The following UPP2 variants were observed in gnomAD, a reference collection of about 807,000 sequenced individuals.
The protein encoded by UPP2 is UPase 2.
A neutral mutation model predicts 26.7 loss-of-function variants in UPP2; 23 were observed. The observed-to-expected ratio is 0.86, with a 90% CI of 0.62 to 1.22. UPP2 has a LOEUF of 1.22. UPP2 is among the 50% of genes most tolerant of loss of function. The pLI is 0.00. For missense variants in UPP2, 387 were observed against 396.7 expected, an observed-to-expected ratio of 0.98 and a Z score of 0.21; for synonymous variants, 127 against 141.3, an observed-to-expected ratio of 0.90 and a Z score of 0.72.
chr2:158,058,292 C>CAAAAAAAA (rs57994785), intron 3 of UPP2, among the ~76,000 whole-genome samples: 1 of 38,802 alleles, frequency 2.6e-5, no homozygotes. Context: ...GACTCCGTCT[C>CAAAAAAAA]AAAAAAAAAA....
chr2:158,114,251 G>T (rs1683376642), intron 2 of UPP2, among the ~76,000 whole-genome samples: 1 of 152,156 alleles, frequency 6.6e-6, no homozygotes, highest in Non-Finnish European at 1.5e-5. Context: ...TGTGGCCTGT[G>T]CTTCCTCCTG....
chr2:158,055,725 G>A (rs1208777558), intron 3 of UPP2, among the ~76,000 whole-genome samples: 4 of 152,176 alleles, frequency 2.6e-5, no homozygotes, highest in Admixed American at 6.5e-5. Context: ...AGCATTTCCA[G>A]CAATGTCCCA....
At position 158,123,887 on chromosome 2, in the gene UPP2, G is replaced by T; in HGVS notation, c.803G>T (p.Gly268Val). The change falls in exon 6 of 7, where the codon GGT (glycine) becomes GTT (valine). Residue 268 changes from glycine (G) to valine (V), a missense_variant. Coordinates refer to ENST00000005756, the MANE Select transcript of UPP2 (RefSeq NM_173355.4). ...TTTGCAGCTATGTGTGGACTCTGTGGTCTAAAAGGTAAGCTTTTCGTGAAT... is the reference window on the plus strand; with the variant it reads ...TTTGCAGCTATGTGTGGACTCTGTGTTCTAAAAGGTAAGCTTTTCGTGAAT... ...TVFAAMCGLCGLKAAVVCVTL... is the reference protein window; with the variant it reads ...TVFAAMCGLCVLKAAVVCVTL... The T allele has an allele frequency of 6.2e-7, 1 of 1,613,188 alleles. No individual in the cohort carries two copies. The highest frequency in any genetic ancestry group is 1.1e-5 in the South Asian group (1 of 90,960).
intron 2 of UPP2, among the ~76,000 whole-genome samples, chr2:157,997,693 T>C (rs1407710905): frequency 6.6e-6 from 1 of 152,170 alleles, no homozygotes; most frequent in African/African-American, 2.4e-5. Context: ...TAACAGAGTC[T>C]TCAGTGAACT....
intron 3 of UPP2, among the ~76,000 whole-genome samples, chr2:158,059,216 G>C (rs1224107206): frequency 6.6e-6 from 1 of 152,226 alleles, no homozygotes; most frequent in Non-Finnish European, 1.5e-5. Flanking sequence ...GTCCAAGCAT[G>C]ATGGGAAAAC....
intron 3 of UPP2, among the ~76,000 whole-genome samples, chr2:158,062,431 T>C (rs935408465): frequency 1.3e-5 from 2 of 152,284 alleles, no homozygotes; most frequent in South Asian, 2.1e-4. Context: ...CATTTCTCTA[T>C]TAGTGCTCCT....
intron 6 of UPP2, among the ~76,000 whole-genome samples, chr2:158,129,166 C>G (rs1024791624): frequency 6.6e-6 from 1 of 151,942 alleles, no homozygotes. Context: ...TTGATTCCAC[C>G]CTGTCTGTGG....
intron 2 of UPP2, among the ~76,000 whole-genome samples, chr2:158,110,636 G>A (rs1272916647): frequency 6.6e-6 from 1 of 152,158 alleles, no homozygotes; most frequent in African/African-American, 2.4e-5. Flanking sequence ...CACCAACAGT[G>A]TAAAAGTGTT....
chr2:158,112,118 C>A (rs916377675), intron 2 of UPP2, among the ~76,000 whole-genome samples: 1 of 152,038 alleles, frequency 6.6e-6, no homozygotes, highest in Non-Finnish European at 1.5e-5. Context: ...ATAAAATCCA[C>A]GTCAAAATGC....
At chr2:158,034,077 T>C (rs999418539) in intron 3 of UPP2, among the ~76,000 whole-genome samples, 2 of 152,178 alleles carry the variant, frequency 1.3e-5, no homozygotes, top group African/African-American at 4.8e-5. Flanking sequence ...TGGAAGTGGA[T>C]ACTTTTCAAG....
intron 3 of UPP2, among the ~76,000 whole-genome samples, chr2:158,026,124 G>A (rs1200224475): frequency 1.3e-5 from 2 of 152,074 alleles, no homozygotes; most frequent in Non-Finnish European, 2.9e-5. Context: ...GGAAGGGAAA[G>A]CTCTTGTCGA....
intron 3 of UPP2, among the ~76,000 whole-genome samples, chr2:158,018,215 G>A (rs113465286): frequency 2.2e-4 from 34 of 152,242 alleles, no homozygotes; most frequent in African/African-American, 7.7e-4. Flanking sequence ...TAAAAGCTCC[G>A]CTTCCTGTGA....
chr2:158,111,042 T>A (rs188411787), intron 2 of UPP2, among the ~76,000 whole-genome samples: 15 of 152,334 alleles, frequency 9.8e-5, no homozygotes, highest in Non-Finnish European at 2.2e-4. Flanking sequence ...TTGGCTTTTG[T>A]TGCCATTGCT....
chr2:158,088,772 G>C (rs1253076003), intron 3 of UPP2, among the ~76,000 whole-genome samples: 2 of 152,210 alleles, frequency 1.3e-5, no homozygotes, highest in Non-Finnish European at 2.9e-5. Context: ...GCCACCCATT[G>C]CAACTACTGG....
At chr2:158,021,025 C>T (rs1265040704) in intron 3 of UPP2, among the ~76,000 whole-genome samples, 1 of 152,084 alleles carries the variant, frequency 6.6e-6, no homozygotes, top group Non-Finnish European at 1.5e-5. Context: ...TGGTCTCAGC[C>T]TTTATTGGGC....
chr2:158,086,179 C>T (rs928501638), intron 3 of UPP2, among the ~76,000 whole-genome samples: 5 of 152,056 alleles, frequency 3.3e-5, no homozygotes, highest in African/African-American at 4.8e-5. Flanking sequence ...TCTCTCACTG[C>T]TTATTATTGT....
At chr2:158,081,903 T>C (rs912876197) in intron 3 of UPP2, among the ~76,000 whole-genome samples, 3 of 151,984 alleles carry the variant, frequency 2.0e-5, no homozygotes, top group Non-Finnish European at 2.9e-5. Context: ...TATATTTATT[T>C]TTATTTCAAT....
intron 3 of UPP2, among the ~76,000 whole-genome samples, chr2:158,033,357 C>G (rs939019648): frequency 1.3e-5 from 2 of 152,234 alleles, no homozygotes; most frequent in African/African-American, 4.8e-5. Flanking sequence ...CTCACCTACT[C>G]TCCTGCTTTC....
At chr2:158,026,294 T>C in intron 3 of UPP2, among the ~76,000 whole-genome samples, 1 of 152,218 alleles carries the variant, frequency 6.6e-6, no homozygotes, top group East Asian at 1.9e-4. Flanking sequence ...GCCTTCTTTC[T>C]AGAAATATGC....
Sources: gnomAD v4.1 joint callset for allele counts (sites outside exome capture counted in the v4.1 genomes callset) on GRCh38, gnomAD v4.1.1 for gene constraint, MANE v1.5 for transcripts, NCBI Gene and HGNC (gene_info 2026-07-23, HGNC 2026-07-21) for gene names.